Variants in KIF17 observed in about 807,000 individuals in gnomAD.
KIF17 encodes the protein kinesin family member 17.
Under a neutral mutation model 96.8 loss-of-function variants are expected in KIF17, and 80 were observed. The observed-to-expected ratio is 0.83, with a 90% confidence interval of 0.69 to 1.00. The LOEUF is 1.00. KIF17 is among the 50% of genes least tolerant of loss of function. The pLI is 0.00. For synonymous variants in KIF17, 567 were observed against 587.5 expected, an observed-to-expected ratio of 0.97 and a Z score of 0.51; for missense variants, 1,280 against 1,372.9, an observed-to-expected ratio of 0.93 and a Z score of 1.07.
At chr1:20,714,314 G>A (rs1226222596) in intron 2 of KIF17, among the ~76,000 whole-genome samples, 8 of 150,588 alleles carry the variant, frequency 5.3e-5, no homozygotes, top group African/African-American at 1.7e-4. Context: ...ACAACAGAGC[G>A]AGACTCCGTC....
rs1336964866 is a variant in KIF17 at position 20,709,476 on chromosome 1, A to G, written c.670+163T>C. On this transcript the variant is annotated intron_variant, in intron 4 of 14. Coordinates refer to ENST00000400463, the MANE Select transcript of KIF17 (RefSeq NM_001122819.3). The surrounding 1 kb of genome is among the most constrained non-coding windows in gnomAD (Gnocchi z 4.7). Reference sequence around the variant, plus strand: ...GTTTGCTGCTGTTTATCCTGGGAACACGGGTCCCAGCATCCCAAGGGTCCT... The same window carrying G: ...GTTTGCTGCTGTTTATCCTGGGAACGCGGGTCCCAGCATCCCAAGGGTCCT... 6.6e-6 allele frequency among the ~76,000 whole-genome samples: 1 copy of G among 152,186 alleles called. No individual in the cohort carries two copies. The highest frequency in any genetic ancestry group is 1.5e-5 in the Non-Finnish European group (1 of 68,032).
intron 6 of KIF17, 72 bp downstream of exon 6, chr1:20,698,307 G>A (rs763530353): frequency 1.7e-5 from 18 of 1,048,660 alleles, no homozygotes; most frequent in Admixed American, 3.5e-5. Flanking sequence ...GGACCCCAGC[G>A]GCAGCCCTGC....
chr1:20,666,198 G>C lies in KIF17; in HGVS notation c.2908+16C>G. On this transcript the variant is annotated intron_variant, in intron 14 of 14. Transcript: ENST00000400463. Reference sequence around the variant, plus strand: ...CAGTTGTGTGGAGAGGGTGGGGACAGGGGAGGGACACTCACTGAGGCTCTT... The same window carrying C: ...CAGTTGTGTGGAGAGGGTGGGGACACGGGAGGGACACTCACTGAGGCTCTT... The C allele has an allele frequency of 6.3e-7, 1 of 1,578,246 alleles. No homozygotes were observed. Among genetic ancestry groups the C allele is most frequent in the Non-Finnish European group, 8.7e-7 (1 of 1,147,240 alleles).
intron 13 of KIF17, among the ~76,000 whole-genome samples, chr1:20,669,778 A>G (rs1419703639): frequency 7.2e-6 from 1 of 139,518 alleles, no homozygotes; most frequent in African/African-American, 2.6e-5. Flanking sequence ...AGGCAGGAGA[A>G]TTGCTTGAAC....
intron 11 of KIF17, among the ~76,000 whole-genome samples, chr1:20,677,875 G>A (rs2053765919): frequency 6.6e-6 from 1 of 152,142 alleles, no homozygotes; most frequent in Admixed American, 6.6e-5. Context: ...AAAGAATGAG[G>A]AGTATCTCTC....
At chr1:20,675,331 C>T (rs1453206017) in intron 11 of KIF17, among the ~76,000 whole-genome samples, 4 of 151,060 alleles carry the variant, frequency 2.6e-5, no homozygotes, top group African/African-American at 9.8e-5. Flanking sequence ...GCCTGTAGTC[C>T]CAGCTACTCG....
At chr1:20,679,062 G>C (rs1477523433) in intron 11 of KIF17, among the ~76,000 whole-genome samples, 4 of 150,482 alleles carry the variant, frequency 2.7e-5, no homozygotes, top group African/African-American at 9.8e-5. Context: ...CTGTAATCCC[G>C]GCACTTTGGG....
chr1:20,713,380 A>T, intron 3 of KIF17, 74 bp downstream of exon 3: 1 of 1,085,872 alleles, frequency 9.2e-7, no homozygotes, highest in South Asian at 1.3e-5. Context: ...ACTTTCCCAT[A>T]TTTCTGAGGG....
In KIF17 at chr1:20,664,547, A is replaced by C; in HGVS notation, c.*37T>G. ...GCCCTGGGAGGGCCTGGCAGTCTCT[A>C]CATGCCTATAAGGCAGGCAATGGCA... On this transcript the variant is annotated 3_prime_UTR_variant, in exon 15 of 15. Coordinates refer to ENST00000400463, the MANE Select transcript of KIF17 (RefSeq NM_001122819.3). The C allele has an allele frequency of 6.2e-7, 1 of 1,613,602 alleles. No individual in the cohort carries two copies. The highest frequency in any genetic ancestry group is 8.5e-7 in the Non-Finnish European group (1 of 1,179,968).
At chr1:20,697,724 G>A (rs2054166211) in intron 6 of KIF17, among the ~76,000 whole-genome samples, 4 of 152,258 alleles carry the variant, frequency 2.6e-5, no homozygotes, top group Admixed American at 2.6e-4. Flanking sequence ...AACAGAGCGT[G>A]GAGTCAGGGA....
chr1:20,701,848 G>A (rs2054241919), intron 5 of KIF17, among the ~76,000 whole-genome samples: 1 of 152,216 alleles, frequency 6.6e-6, no homozygotes, highest in South Asian at 2.1e-4. Context: ...GTAGGGGCAA[G>A]AGAGAGCAGA....
At chr1:20,705,317 G>C (rs1215527489) in intron 4 of KIF17, among the ~76,000 whole-genome samples, 1 of 152,164 alleles carries the variant, frequency 6.6e-6, no homozygotes, top group Non-Finnish European at 1.5e-5. Context: ...GAAAACATCT[G>C]CTTTGGAGAC....
intron 11 of KIF17, among the ~76,000 whole-genome samples, chr1:20,675,614 A>C (rs2053725706): frequency 6.6e-6 from 1 of 152,090 alleles, no homozygotes; most frequent in Non-Finnish European, 1.5e-5. Flanking sequence ...GATTCCCCTC[A>C]CTTTGTTCTT....
chr1:20,681,644 C>T lies in KIF17; in HGVS notation c.2463+1009G>A, dbSNP rs186161136. Reference sequence around the variant, plus strand: ...CAGAGAAAGCTCCAAAGGCAGTGCACATGACCCTCACCGTGGGCAGAATCA... The same window carrying T: ...CAGAGAAAGCTCCAAAGGCAGTGCATATGACCCTCACCGTGGGCAGAATCA... On this transcript the variant is annotated intron_variant, in intron 11 of 14. Transcript: ENST00000400463. Among the ~76,000 whole-genome samples, 115 of 152,280 alleles carry T rather than the reference C, an allele frequency of 7.6e-4. 2 individuals are homozygous for T. Among genetic ancestry groups the T allele is most frequent in the Non-Finnish European group, 2.5e-4 (17 of 68,016 alleles).
At chr1:20,690,476 T>A in intron 6 of KIF17, 141 bp from the exon 7 acceptor site, 2 of 746,376 alleles carry the variant, frequency 2.7e-6, no homozygotes. Flanking sequence ...AACACTGTGA[T>A]AATTACTTGC....
chr1:20,687,985 G>C lies in KIF17; in HGVS notation c.1382-41C>G, dbSNP rs764899515. The C allele has an allele frequency of 6.5e-7, 1 of 1,530,968 alleles. No homozygotes were observed. Among genetic ancestry groups the C allele is most frequent in the Admixed American group, 1.7e-5 (1 of 59,902 alleles). 94.8% of individuals were successfully genotyped at this position (1,530,968 alleles called of 1,614,324 possible). A position where few individuals can be genotyped will look rare whatever the true frequency, so the allele number is the denominator to read the frequency against. On this transcript the variant is annotated intron_variant, in intron 7 of 14. Coordinates refer to ENST00000400463, the MANE Select transcript of KIF17 (RefSeq NM_001122819.3). The surrounding 1 kb of genome is among the most constrained non-coding windows in gnomAD (Gnocchi z 4.4). The stretch of plus-strand genomic sequence containing the variant: ...CTTCCTTCAGGTTTTTAAAGGGTCA[G>C]AATGAGAGACCCTTCCCTAGAAGGT...
At chr1:20,688,091 G>C (rs2053973157) in intron 7 of KIF17, 147 bp from the exon 8 acceptor site, 1 of 699,782 alleles carries the variant, frequency 1.4e-6, no homozygotes, top group Non-Finnish European at 2.4e-6. Flanking sequence ...CTGTCGCCCG[G>C]GCTGGAGTGC....
intron 6 of KIF17, among the ~76,000 whole-genome samples, chr1:20,695,436 G>T (rs984698015): frequency 6.6e-6 from 1 of 152,102 alleles, no homozygotes; most frequent in East Asian, 1.9e-4. Flanking sequence ...TGATCCGCCC[G>T]CCTCGGCCTC....
At chr1:20,706,703 T>A (rs2054348219) in intron 4 of KIF17, among the ~76,000 whole-genome samples, 1 of 149,986 alleles carries the variant, frequency 6.7e-6, no homozygotes, top group Admixed American at 6.6e-5. Context: ...CTGGAAAACA[T>A]GGCAAAACCC....
Sources: gnomAD v4.1 joint callset for allele counts (sites outside exome capture counted in the v4.1 genomes callset) on GRCh38, gnomAD v4.1.1 for gene constraint, Gnocchi (gnomAD v3.1) non-coding constraint, MANE v1.5 for transcripts, NCBI Gene and HGNC (gene_info 2026-07-23, HGNC 2026-07-21) for gene names.